Variants in UBR4 observed in about 807,000 individuals in gnomAD.
UBR4 encodes the protein E3 ubiquitin-protein ligase UBR4.
Under a neutral mutation model 575.6 loss-of-function variants are expected in UBR4, and 124 were observed. The observed-to-expected ratio is 0.22, with a 90% CI of 0.19 to 0.25. UBR4 has a LOEUF of 0.25. Among genes scored for constraint, UBR4 ranks in the 10% least tolerant of loss-of-function variants. The pLI, the probability that UBR4 is intolerant of heterozygous loss-of-function variation, is 1.00. For missense variants in UBR4, 4,818 were observed against 6,478.8 expected (o/e 0.74, Z 8.80); for synonymous variants, 2,455 against 2,473.7 (o/e 0.99, Z 0.22).
At chr1:19,133,139 GACAAAGACATCTCAAAGAAA>G (rs1338536543) in intron 60 of UBR4, among the ~76,000 whole-genome samples, 1 of 152,002 alleles carries the variant, frequency 6.6e-6, no homozygotes, top group Non-Finnish European at 1.5e-5. Context: ...ACCAATCCCT[GACAAAGACATCTCAAAGAAA>G]AATTTTAAGC....
chr1:19,176,264 G>T (rs1451333003), intron 20 of UBR4, among the ~76,000 whole-genome samples: 1 of 151,620 alleles, frequency 6.6e-6, no homozygotes, highest in African/African-American at 2.4e-5. Flanking sequence ...AATGTTGTTT[G>T]TATTTTTTCA....
chr1:19,122,346 T>C lies in UBR4; in HGVS notation c.9817-334A>G, dbSNP rs1048651791. Among the ~76,000 whole-genome samples, 9 of 152,358 alleles carry C rather than the reference T, an allele frequency of 5.9e-5. No homozygotes were observed. In the East Asian group the frequency reaches 1.5e-3, roughly 26 times the overall value. ...AATCCAGTTTACTTTTCTTGATATA[T>C]AACGATAAGCAAGAACATGAGCCAG... On this transcript the variant is annotated intron_variant, in intron 66 of 105. Transcript: ENST00000375254.
At position 19,155,576 on chromosome 1, in the gene UBR4, C is replaced by G. The variant is rs1419955978; in HGVS notation, c.6165G>C (p.Glu2055Asp). 1 of 1,614,138 alleles carries G rather than the reference C, an allele frequency of 6.2e-7. No individual in the cohort carries two copies. The highest frequency in any genetic ancestry group is 1.1e-5 in the South Asian group (1 of 91,076). ...TTATAACAATGATGTTCTTTCCCTC[C>G]TCATTGAAAAGGAAGGTAACATCTC... ...KIRDVTFLFN[E>D]EGKNIIVIMS... The change falls in exon 43 of 106, where the codon GAG becomes GAC. Residue 2055 changes from glutamate (E) to aspartate (D), a missense_variant. By Grantham distance (45) the Glu-to-Asp change is conservative. Coordinates refer to ENST00000375254, the MANE Select transcript of UBR4 (RefSeq NM_020765.3).
rs2149410271 is a variant in UBR4 at position 19,117,464 on chromosome 1, C to T, written c.10630-50G>A. ...TGGTATTAGTTCAAGACTCGTACTG[C>T]CTTTTTAAAAATTCATCAGTGTAAC... On this transcript the variant is annotated intron_variant, in intron 72 of 105. Coordinates refer to ENST00000375254, the MANE Select transcript of UBR4 (RefSeq NM_020765.3). This position sits in a 1 kb window ranked among gnomAD's most constrained non-coding sequence, Gnocchi z 4.0. The T allele has an allele frequency of 7.0e-6, 11 of 1,581,774 alleles. No individual in the cohort carries two copies. The highest frequency in any genetic ancestry group is 8.7e-6 in the Non-Finnish European group (10 of 1,154,734).
chr1:19,200,563 C>A (rs777828558), intron 2 of UBR4, among the ~76,000 whole-genome samples: 5 of 151,870 alleles, frequency 3.3e-5, no homozygotes, highest in Non-Finnish European at 7.4e-5. Context: ...CAGCTTGGGC[C>A]AGCATGGTCA....
chr1:19,110,760 G>A lies in UBR4; in HGVS notation c.11874C>T (p.His3958=), dbSNP rs753305368. 6.2e-7 allele frequency: 1 copy of A among 1,614,184 alleles called. No homozygotes were observed. The highest frequency in any genetic ancestry group is 8.5e-7 in the Non-Finnish European group (1 of 1,180,038). ...GGCTCACCAGATCGGGGTTGGCCCA[G>A]TGGCCCTTCAGGGCTGTGGAGACCT... is the stretch of plus-strand genomic sequence containing the variant. The part of the protein sequence containing the change: ...IGKVSTALKG[H]WANPDLASSL... The change falls in exon 79 of 106, where the codon CAC becomes CAT. Residue 3958 remains histidine (H), a synonymous_variant. Transcript: ENST00000375254. The surrounding 1 kb of genome is among the most constrained non-coding windows in gnomAD (Gnocchi z 4.5).
chr1:19,088,991 A>C lies in UBR4; in HGVS notation c.14212-14T>G. On this transcript the variant is annotated splice_polypyrimidine_tract_variant and intron_variant, in intron 97 of 105. Transcript: ENST00000375254. This position sits in a 1 kb window ranked among gnomAD's most constrained non-coding sequence, Gnocchi z 4.0. ...TCCAATCAGAACCTGCCAGTAAGAG[A>C]CCAGAGAGACACATGCCTCCAATTA... The C allele has an allele frequency of 6.2e-7, 1 of 1,612,188 alleles. No individual in the cohort carries two copies. The highest frequency in any genetic ancestry group is 1.7e-4 in the Middle Eastern group (1 of 6,052).
In UBR4 at chr1:19,174,240, A is replaced by G. The variant is rs1160437564; in HGVS notation, c.2982+79T>C. On this transcript the variant is annotated intron_variant, in intron 22 of 105. Transcript: ENST00000375254. The stretch of plus-strand genomic sequence containing the variant: ...AATCAATATTCAATAAACTGGTTAC[A>G]TTTCAGAAGGAAATTTCTGATAGAA... 3 of 1,534,824 alleles carry G rather than the reference A, an allele frequency of 2.0e-6. No homozygotes were observed. In the African/African-American group the frequency reaches 4.2e-5, roughly 21 times the overall value.
intron 83 of UBR4, among the ~76,000 whole-genome samples, 185 bp from the exon 84 acceptor site, chr1:19,106,027 T>A (rs187763421): frequency 6.6e-6 from 1 of 152,116 alleles, no homozygotes; most frequent in African/African-American, 2.4e-5. Flanking sequence ...GGAAAGGGGC[T>A]GTGAAAGAGC....
chr1:19,179,435 A>G (rs892491082), intron 17 of UBR4, among the ~76,000 whole-genome samples: 3 of 152,234 alleles, frequency 2.0e-5, no homozygotes, highest in Admixed American at 2.0e-4. Flanking sequence ...ATCTAACCTC[A>G]TTAACATTTA....
chr1:19,106,931 T>C lies in UBR4; in HGVS notation c.12141A>G (p.Pro4047=). ...CCTGGGCATGGATCTCATTGCAGTA[T>C]GGCTTCACCGTGGTGAGGGCCTCAA... is the stretch of plus-strand genomic sequence containing the variant. ...VPVEALTTVK[P]YCNEIHAQAQ... Residue 4047 remains proline (P), a synonymous_variant, in exon 82 of 106, where the codon CCA becomes CCG. Coordinates refer to ENST00000375254, the MANE Select transcript of UBR4 (RefSeq NM_020765.3). 1.9e-6 allele frequency: 3 copies of C among 1,612,738 alleles called. No individual in the cohort carries two copies. The highest frequency in any genetic ancestry group is 2.2e-5 in the East Asian group (1 of 44,838).
At position 19,179,063 on chromosome 1, in the gene UBR4, T is replaced by C. The variant is rs2090598086; in HGVS notation, c.2342A>G (p.Lys781Arg). The stretch of plus-strand genomic sequence containing the variant: ...ACAGACATCTTACCTGTCCCAAACT[T>C]TAAGGCATTCTGGGACGTCAGGGTC... ...QGDPDVPECL[K>R]VWDRFLSTMK... The change falls in exon 18 of 106, where the codon AAA becomes AGA. Residue 781 changes from lysine to arginine, a missense_variant. Lys to Arg is a conservative substitution (Grantham distance 26). This residue lies in a region of UBR4 where 1,172 missense variants were observed against 1,259.7 expected (regional missense o/e 0.93). Transcript: ENST00000375254. 1 of 1,613,098 alleles carries C rather than the reference T, an allele frequency of 6.2e-7. No homozygotes were observed. The highest frequency in any genetic ancestry group is 1.3e-5 in the African/African-American group (1 of 74,834).
chr1:19,167,039 A>G lies in UBR4; in HGVS notation c.4092T>C (p.Asn1364=). ...AGGCTCACCTGTTAGGATCTGCATG[A>G]TTGGCCAGAATGTTGTAACAACCAG... ...LITGCYNILA[N]HADPNSGLDE... The change falls in exon 29 of 106, where the codon AAT becomes AAC. Residue 1364 remains asparagine (N), a synonymous_variant. Transcript: ENST00000375254. The G allele has an allele frequency of 6.2e-7, 1 of 1,614,230 alleles. No homozygotes were observed.
chr1:19,202,473 T>C (rs1024305541), intron 1 of UBR4, among the ~76,000 whole-genome samples: 1 of 152,082 alleles, frequency 6.6e-6, no homozygotes, highest in African/African-American at 2.4e-5. Context: ...AGTAACCAAT[T>C]TTAGACCAAA....
At chr1:19,203,733 T>C (rs956687091) in intron 1 of UBR4, among the ~76,000 whole-genome samples, 5 of 152,192 alleles carry the variant, frequency 3.3e-5, no homozygotes, top group Non-Finnish European at 7.3e-5. Context: ...TATCAAAGAT[T>C]AGTCCCTTAG....
chr1:19,185,605 G>A (rs539188467), intron 14 of UBR4, among the ~76,000 whole-genome samples: 1 of 136,882 alleles, frequency 7.3e-6, no homozygotes, highest in Non-Finnish European at 1.5e-5. Flanking sequence ...AGGGAGTCTC[G>A]CTCTGTCACC....
chr1:19,131,574 C>A (rs897629589), intron 60 of UBR4, among the ~76,000 whole-genome samples: 5 of 151,824 alleles, frequency 3.3e-5, no homozygotes, highest in Admixed American at 6.6e-5. Flanking sequence ...CAAGAGATTT[C>A]AAAAAAAATC....
At position 19,113,957 on chromosome 1, in the gene UBR4, T is replaced by C. The variant is rs904890479; in HGVS notation, c.11316A>G (p.Pro3772=). The change falls in exon 76 of 106, where the codon CCA becomes CCG. Residue 3772 remains proline, a synonymous_variant. Coordinates refer to ENST00000375254, the MANE Select transcript of UBR4 (RefSeq NM_020765.3). ...AGCGTGGGACTACCTGTGGCTTTTC[T>C]GGAGCTGCCTCATTCACTTTGCAGA... ...NLLCKVNEAA[P]EKPQDDSGTA... 6.2e-7 allele frequency: 1 copy of C among 1,614,264 alleles called. No homozygotes were observed.
At chr1:19,189,715 A>T (rs752993335) in intron 11 of UBR4, among the ~76,000 whole-genome samples, 1 of 152,216 alleles carries the variant, frequency 6.6e-6, no homozygotes, top group African/African-American at 2.4e-5. Flanking sequence ...ATATGAAGAA[A>T]CAACAGCCAT....
Sources: gnomAD v4.1 joint callset for allele counts (sites outside exome capture counted in the v4.1 genomes callset) on GRCh38, gnomAD v4.1.1 for gene constraint, gnomAD v4.1.1 regional missense constraint, Gnocchi (gnomAD v3.1) non-coding constraint, MANE v1.5 for transcripts, NCBI Gene and HGNC (gene_info 2026-07-23, HGNC 2026-07-21) for gene names.